IQGAP2: variants seen among roughly 807,000 people sequenced by gnomAD.
The protein encoded by IQGAP2 is IQ motif containing GTPase activating protein 2.
A neutral mutation model predicts 201.3 loss-of-function variants in IQGAP2; 173 were observed. The observed-to-expected ratio is 0.86, with a 90% confidence interval of 0.76 to 0.98. The LOEUF is 0.98. IQGAP2 is among the 50% of genes least tolerant of loss of function. The probability of loss-of-function intolerance (pLI) is 0.00; values close to 1 mark genes in which losing one functional copy is unlikely to be tolerated. For missense variants in IQGAP2, 1,687 were observed against 1,864.8 expected (o/e 0.90, Z 1.76); for synonymous variants, 675 against 673.9 (o/e 1.00, Z -0.03).
intron 3 of IQGAP2, among the ~76,000 whole-genome samples, chr5:76,563,915 G>C (rs1392835057): frequency 6.6e-6 from 1 of 151,808 alleles, no homozygotes; most frequent in Non-Finnish European, 1.5e-5. Flanking sequence ...ATTAAATACA[G>C]ATAGAATGTT....
At chr5:76,644,533 C>T (rs1007044400) in intron 17 of IQGAP2, among the ~76,000 whole-genome samples, 1 of 151,978 alleles carries the variant, frequency 6.6e-6, no homozygotes, top group Non-Finnish European at 1.5e-5. Context: ...CTCTTGGCCT[C>T]GAGTGATCTG....
chr5:76,513,794 C>T (rs1758133403), intron 2 of IQGAP2, among the ~76,000 whole-genome samples: 1 of 152,216 alleles, frequency 6.6e-6, no homozygotes, highest in Middle Eastern at 3.4e-3. Flanking sequence ...ATTATACATT[C>T]ATCAAAATAC....
chr5:76,532,323 A>G (rs1165556438), intron 2 of IQGAP2, among the ~76,000 whole-genome samples: 1 of 152,184 alleles, frequency 6.6e-6, no homozygotes, highest in Non-Finnish European at 1.5e-5. Flanking sequence ...TCTGGGTAAC[A>G]TAACAAGACC....
chr5:76,535,288 G>A lies in IQGAP2; in HGVS notation c.147-27108G>A, dbSNP rs144436497. Among the ~76,000 whole-genome samples, 468 of 152,266 alleles carry A rather than the reference G, an allele frequency of 3.1e-3. 5 individuals are homozygous for A. The highest frequency in any genetic ancestry group is 0.01 in the African/African-American group (433 of 41,544). The stretch of plus-strand genomic sequence containing the variant: ...CTAGAAACCTGTTGCAGTGATACAG[G>A]TGAGGGATACTTTGCCTTTATTGGA... On this transcript the variant is annotated intron_variant, in intron 2 of 35. Transcript: ENST00000274364.
intron 2 of IQGAP2, among the ~76,000 whole-genome samples, chr5:76,494,270 A>G (rs1196631238): frequency 6.6e-6 from 1 of 152,220 alleles, no homozygotes; most frequent in African/African-American, 2.4e-5. Context: ...CACAATAATT[A>G]GAAAAGAAAA....
intron 2 of IQGAP2, among the ~76,000 whole-genome samples, chr5:76,461,964 A>G (rs1360959704): frequency 6.6e-6 from 1 of 152,198 alleles, no homozygotes; most frequent in African/African-American, 2.4e-5. Context: ...TAGTTCTAAT[A>G]ACTCATTTGC....
intron 1 of IQGAP2, among the ~76,000 whole-genome samples, chr5:76,447,285 G>C (rs1406469057): frequency 6.6e-6 from 1 of 152,134 alleles, no homozygotes; most frequent in Non-Finnish European, 1.5e-5. Flanking sequence ...GTAGTAAAGA[G>C]AGCTCACTAA....
intron 30 of IQGAP2, among the ~76,000 whole-genome samples, chr5:76,686,554 G>C (rs773434535): frequency 9.9e-5 from 15 of 151,780 alleles, no homozygotes; most frequent in Non-Finnish European, 1.9e-4. Flanking sequence ...CTGTCGCCCA[G>C]GCTGGAGTGC....
chr5:76,443,726 C>G (rs1459420249), intron 1 of IQGAP2, among the ~76,000 whole-genome samples: 1 of 152,086 alleles, frequency 6.6e-6, no homozygotes, highest in East Asian at 1.9e-4. Context: ...TGCTATGGGA[C>G]ATGACATTTC....
intron 2 of IQGAP2, among the ~76,000 whole-genome samples, chr5:76,487,789 C>T (rs1241617328): frequency 2.0e-5 from 3 of 152,210 alleles, no homozygotes; most frequent in African/African-American, 7.2e-5. Context: ...CACAGCTCAC[C>T]TCCAGAACAC....
At position 76,668,790 on chromosome 5, in the gene IQGAP2, G is replaced by A. The variant is rs138998729; in HGVS notation, c.2789G>A (p.Arg930Gln). 78 of 1,608,146 alleles carry A rather than the reference G, an allele frequency of 4.9e-5. No individual in the cohort carries two copies. The highest frequency in any genetic ancestry group is 6.0e-5 in the Non-Finnish European group (71 of 1,177,176). ...CTATATAATTATGCCTCTAATCAGC[G>A]AGAAGAATATCTACTTCTCAAGCTT... ...FTLYNYASNQ[R>Q]EEYLLLKLFK... Residue 930 changes from arginine (R) to glutamine (Q), a missense_variant, in exon 23 of 36, where the codon CGA becomes CAA. By Grantham distance (43) the Arg-to-Gln change is conservative. Transcript: ENST00000274364.
At chr5:76,667,613 G>A (rs913186421) in intron 22 of IQGAP2, among the ~76,000 whole-genome samples, 3 of 152,064 alleles carry the variant, frequency 2.0e-5, no homozygotes, top group Admixed American at 6.5e-5. Flanking sequence ...AGGGTTCCAC[G>A]TCCATTTTAA....
At chr5:76,627,570 A>T in intron 14 of IQGAP2, 70 bp downstream of exon 14, 4 of 783,730 alleles carry the variant, frequency 5.1e-6, no homozygotes, top group Non-Finnish European at 8.7e-6. Context: ...AAGTCATGTG[A>T]TTTTTAATTT....
intron 2 of IQGAP2, among the ~76,000 whole-genome samples, chr5:76,550,278 A>C (rs1411873192): frequency 6.6e-6 from 1 of 152,128 alleles, no homozygotes; most frequent in African/African-American, 2.4e-5. Context: ...AATTATGTTC[A>C]ATTTTAAGGC....
At chr5:76,664,318 C>G (rs1468262843) in intron 21 of IQGAP2, among the ~76,000 whole-genome samples, 1 of 152,172 alleles carries the variant, frequency 6.6e-6, no homozygotes, top group African/African-American at 2.4e-5. Context: ...GCAGTCAGAA[C>G]AGACACATTT....
intron 1 of IQGAP2, among the ~76,000 whole-genome samples, chr5:76,461,165 G>A (rs10039356): frequency 0.97 from 146,714 of 151,930 alleles, 71,033 homozygotes; most frequent in Non-Finnish European, 1. Flanking sequence ...GGCGTGAGCC[G>A]CCGCACCTGG....
At chr5:76,663,994 G>A (rs999383840) in intron 21 of IQGAP2, among the ~76,000 whole-genome samples, 1 of 152,122 alleles carries the variant, frequency 6.6e-6, no homozygotes, top group Non-Finnish European at 1.5e-5. Context: ...TCAGCAATAA[G>A]GCCATTTTGT....
At chr5:76,419,333 T>TTTTTG (rs59552965) in intron 1 of IQGAP2, among the ~76,000 whole-genome samples, 58,979 of 150,206 alleles carry the variant, frequency 0.39, 13,012 homozygotes, top group East Asian at 0.51. Context: ...TCACTAGGGT[T>TTTTTG]TTTTGTTTTG....
At chr5:76,493,676 T>G (rs1756704773) in intron 2 of IQGAP2, among the ~76,000 whole-genome samples, 1 of 152,246 alleles carries the variant, frequency 6.6e-6, no homozygotes, top group Non-Finnish European at 1.5e-5. Context: ...GTAGGCTCTT[T>G]AAGGCAGGAA....
Sources: allele counts gnomAD v4.1 joint callset (sites outside exome capture counted in the v4.1 genomes callset), GRCh38; gene constraint gnomAD v4.1.1; transcripts MANE v1.5; gene names NCBI Gene and HGNC (gene_info 2026-07-23, HGNC 2026-07-21).